The following MYOM3 variants were observed in gnomAD, a reference collection of about 807,000 sequenced individuals.
MYOM3 encodes myomesin-3.
A neutral mutation model predicts 191.7 loss-of-function variants in MYOM3; 155 were observed. The observed-to-expected ratio is 0.81, with a 90% CI of 0.71 to 0.92. The LOEUF (loss-of-function observed/expected upper bound fraction) is 0.92. Among genes scored for constraint, MYOM3 ranks in the 40% least tolerant of loss-of-function variants. MYOM3 has a pLI of 0.00. For missense variants in MYOM3, 1,889 were observed against 1,890.6 expected, an observed-to-expected ratio of 1.00 and a Z score of 0.02; for synonymous variants, 757 against 762.9, an observed-to-expected ratio of 0.99 and a Z score of 0.13.
intron 23 of MYOM3, 119 bp downstream of exon 23, chr1:24,074,041 A>G (rs942211064): frequency 2.2e-5 from 16 of 716,492 alleles, no homozygotes; most frequent in African/African-American, 1.6e-4. Flanking sequence ...GTGAGGGCCT[A>G]CTTCTCTGTG....
At chr1:24,071,663 T>A (rs897508888) in intron 24 of MYOM3, among the ~76,000 whole-genome samples, 2 of 152,240 alleles carry the variant, frequency 1.3e-5, no homozygotes, top group Non-Finnish European at 2.9e-5. Flanking sequence ...CTGTACACAC[T>A]GTCCCTAGCC....
rs1190948188 is a variant in MYOM3 at position 24,087,768 on chromosome 1, T to G, written c.1615-941A>C. Among the ~76,000 whole-genome samples, 1 of 152,196 alleles carries G rather than the reference T, an allele frequency of 6.6e-6. No homozygotes were observed. Among genetic ancestry groups the G allele is most frequent in the African/African-American group, 2.4e-5 (1 of 41,446 alleles). ...CTACCACTCACTACTGTGCTTAATA[T>G]TCTACTGATTTACTCCATTTATCAT... is the stretch of plus-strand genomic sequence containing the variant. On this transcript the variant is annotated intron_variant, in intron 14 of 36. Coordinates refer to ENST00000374434, the MANE Select transcript of MYOM3 (RefSeq NM_152372.4). This position sits in a 1 kb window ranked among gnomAD's most constrained non-coding sequence, Gnocchi z 4.5.
chr1:24,099,658 C>T, intron 6 of MYOM3, 22 bp downstream of exon 6: 2 of 1,590,604 alleles, frequency 1.3e-6, no homozygotes, highest in Non-Finnish European at 1.7e-6. Flanking sequence ...GGTCATAGGT[C>T]TCTCCAGGTC....
Position 24,086,528 on chromosome 1 carries a change from A to C in MYOM3, c.1798+116T>G. The C allele has an allele frequency of 5.7e-6, 6 of 1,061,656 alleles. No homozygotes were observed. The South Asian group carries it at 9.6e-5, about 17-fold the overall frequency. The allele number at this position is 1,061,656 out of a possible 1,614,324, so 65.8% of individuals were successfully genotyped here. Reference sequence around the variant, plus strand: ...TGAGATCAAATTGCTTTTCAGCTTCATGATGGGTAGAAGGGAGCGGGGACA... The same window carrying C: ...TGAGATCAAATTGCTTTTCAGCTTCCTGATGGGTAGAAGGGAGCGGGGACA... On this transcript the variant is annotated intron_variant, in intron 15 of 36. Transcript: ENST00000374434.
intron 12 of MYOM3, 143 bp downstream of exon 12, chr1:24,090,654 C>G: frequency 1.3e-6 from 1 of 755,858 alleles, no homozygotes; most frequent in Non-Finnish European, 2.2e-6. Flanking sequence ...TCTCCTTCAT[C>G]AGACTAGTGT....
chr1:24,082,849 A>C, intron 16 of MYOM3, 135 bp from the exon 17 acceptor site: 1 of 1,120,194 alleles, frequency 8.9e-7, no homozygotes, highest in Admixed American at 3.3e-5. Context: ...TCTTCCTAAA[A>C]ATATTGCCCT....
chr1:24,063,536 G>A lies in MYOM3; in HGVS notation c.3623-6C>T, dbSNP rs749335960. On this transcript the variant is annotated splice_polypyrimidine_tract_variant and splice_region_variant and intron_variant, in intron 30 of 36. Coordinates refer to ENST00000374434, the MANE Select transcript of MYOM3 (RefSeq NM_152372.4). This position sits in a 1 kb window ranked among gnomAD's most constrained non-coding sequence, Gnocchi z 4.5. ...GGTGAAGATGGCATCCAGGGCTGGC[G>A]GGAAACAGAGAGAAGGGTTAGCTGG... 1.4e-4 allele frequency: 222 copies of A among 1,613,982 alleles called. No individual in the cohort carries two copies. Among genetic ancestry groups the A allele is most frequent in the Non-Finnish European group, 1.8e-4 (213 of 1,179,996 alleles).
chr1:24,056,148 A>T lies in MYOM3; in HGVS notation c.*1216T>A, dbSNP rs901585254. On this transcript the variant is annotated 3_prime_UTR_variant, in exon 37 of 37. Transcript: ENST00000374434. ...TATGAACACTCCCCATCTTATTTTT[A>T]AAAAGAAAAAAGTTGGGGGGCAGAG... The T allele has an allele frequency of 2.6e-5, 4 of 152,166 alleles. No homozygotes were observed. Among genetic ancestry groups the T allele is most frequent in the African/African-American group, 9.7e-5 (4 of 41,430 alleles). 9.4% of individuals were successfully genotyped at this position (152,166 alleles called of 1,614,324 possible).
rs952149680 is a variant in MYOM3 at position 24,087,917 on chromosome 1, T to C, written c.1615-1090A>G. On this transcript the variant is annotated intron_variant, in intron 14 of 36. Transcript: ENST00000374434. This position sits in a 1 kb window ranked among gnomAD's most constrained non-coding sequence, Gnocchi z 4.5. Reference sequence around the variant, plus strand: ...AATGAATGAATTCTCACAATAACCCTGCAGGAAGGTGTTAATTTCTCTGCC... The same window carrying C: ...AATGAATGAATTCTCACAATAACCCCGCAGGAAGGTGTTAATTTCTCTGCC... Among the ~76,000 whole-genome samples the C allele has an allele frequency of 6.6e-6, 1 of 152,232 alleles. No individual in the cohort carries two copies. Among genetic ancestry groups the C allele is most frequent in the African/African-American group, 2.4e-5 (1 of 41,454 alleles).
intron 35 of MYOM3, among the ~76,000 whole-genome samples, chr1:24,059,972 T>C (rs1643350162): frequency 6.6e-6 from 1 of 152,138 alleles, no homozygotes; most frequent in Admixed American, 6.5e-5. Flanking sequence ...ATGGATGCAG[T>C]TGTGGGCAGA....
At position 24,076,141 on chromosome 1, in the gene MYOM3, C is replaced by T. The variant is rs1485274104; in HGVS notation, c.2701+18G>A. On this transcript the variant is annotated intron_variant, in intron 21 of 36. Coordinates refer to ENST00000374434, the MANE Select transcript of MYOM3 (RefSeq NM_152372.4). ...CGTAGCCCAGTGGCAGAGCTCTGGCCTCTCCGGCCACCCCTACCTGGCTTG... is the reference window on the plus strand; with the variant it reads ...CGTAGCCCAGTGGCAGAGCTCTGGCTTCTCCGGCCACCCCTACCTGGCTTG... The T allele has an allele frequency of 3.1e-6, 5 of 1,604,482 alleles. No individual in the cohort carries two copies. The highest frequency in any genetic ancestry group is 1.3e-5 in the African/African-American group (1 of 74,698).
chr1:24,108,459 G>A lies in MYOM3; in HGVS notation c.161+17C>T. 6.5e-7 allele frequency: 1 copy of A among 1,538,606 alleles called. No homozygotes were observed. On this transcript the variant is annotated intron_variant, in intron 2 of 36. Transcript: ENST00000374434. ...GGGAACAGGGCAGTGGCTGGGCGGG[G>A]ACCCTGTGGCTCCCACCTGCTGCGG...
At chr1:24,088,274 C>T (rs1643772003) in intron 14 of MYOM3, among the ~76,000 whole-genome samples, 1 of 152,180 alleles carries the variant, frequency 6.6e-6, no homozygotes, top group African/African-American at 2.4e-5. Flanking sequence ...CTGTCAGTGG[C>T]CTAGACCAGG....
Position 24,063,652 on chromosome 1 carries a change from C to T in MYOM3, c.3623-122G>A, listed in dbSNP as rs565683223. The T allele has an allele frequency of 4.2e-5, 47 of 1,108,220 alleles. No individual in the cohort carries two copies. In the East Asian group the frequency reaches 1.1e-3, roughly 25 times the overall value. The allele number at this position is 1,108,220 out of a possible 1,614,324, so 68.6% of individuals were successfully genotyped here. On this transcript the variant is annotated intron_variant, in intron 30 of 36. Transcript: ENST00000374434. The surrounding 1 kb of genome is among the most constrained non-coding windows in gnomAD (Gnocchi z 4.5). ...GAGCTGCTCTCAGGGGGACAGGCAA[C>T]TCTGTAGGATGACTCTCATAGCTTG...
intron 36 of MYOM3, 123 bp downstream of exon 36, chr1:24,058,801 G>T: frequency 2.8e-6 from 2 of 723,978 alleles, no homozygotes; most frequent in Admixed American, 2.2e-5. Context: ...CATCAATGAG[G>T]TGTGGTCACT....
intron 20 of MYOM3, among the ~76,000 whole-genome samples, chr1:24,078,591 T>C (rs1361045429): frequency 6.6e-6 from 1 of 152,166 alleles, no homozygotes; most frequent in African/African-American, 2.4e-5. Context: ...AAACTGCATA[T>C]CCTCCTGCCT....
In MYOM3 at chr1:24,065,895, T is replaced by C. The variant is rs1416260248; in HGVS notation, c.3530A>G (p.Glu1177Gly). Residue 1177 changes from glutamate (E) to glycine (G), a missense_variant, in exon 29 of 37, where the codon GAA becomes GGA. Glu to Gly is a moderately conservative substitution (Grantham distance 98, BLOSUM62 -2). Coordinates refer to ENST00000374434, the MANE Select transcript of MYOM3 (RefSeq NM_152372.4). ...TGAAGCTGGAGCCACACTTGCCTCT[T>C]CAATGCAGAGAAGTCCCGTTCCCGT... ...PETGTGLLCI[E>G]ELSKKDKGIY... 5.0e-6 allele frequency: 8 copies of C among 1,607,062 alleles called. No homozygotes were observed. In the South Asian group the frequency reaches 8.8e-5, roughly 18 times the overall value.
chr1:24,097,848 G>A (rs1438131157), intron 7 of MYOM3, 75 bp downstream of exon 7: 6 of 997,362 alleles, frequency 6.0e-6, no homozygotes, highest in South Asian at 2.6e-5. Flanking sequence ...CAGGTCTCAC[G>A]CAGACCCATG....
intron 36 of MYOM3, among the ~76,000 whole-genome samples, chr1:24,057,961 C>G (rs1643323335): frequency 6.6e-6 from 1 of 152,098 alleles, no homozygotes; most frequent in Non-Finnish European, 1.5e-5. Context: ...TGCCCGCCAC[C>G]AAGCCCGGCT....
Sources: allele counts gnomAD v4.1 joint callset (sites outside exome capture counted in the v4.1 genomes callset), GRCh38; gene constraint gnomAD v4.1.1; non-coding constraint Gnocchi (gnomAD v3.1); transcripts MANE v1.5; gene names NCBI Gene and HGNC (gene_info 2026-07-23, HGNC 2026-07-21).